Variants in SNAPC4 observed in about 807,000 individuals in gnomAD.
SNAPC4 encodes the protein small nuclear RNA activating complex polypeptide 4.
SNAPC4 carries 127 observed loss-of-function variants against 151.3 expected under a neutral mutation model. The ratio of observed to expected loss-of-function variants is 0.84; its 90% CI spans 0.73 to 0.97. The LOEUF is 0.97. SNAPC4 is among the 50% of genes least tolerant of loss of function. The pLI, the probability that SNAPC4 is intolerant of heterozygous loss-of-function variation, is 0.00. For missense variants in SNAPC4, 2,186 were observed against 1,935.0 expected (o/e 1.13, Z -2.43); for synonymous variants, 1,002 against 824.4 (o/e 1.22, Z -3.69).
Position 136,377,921 on chromosome 9 carries a change from G to A in SNAPC4, c.3906C>T (p.Pro1302=), listed in dbSNP as rs373667527. ...GGCTGCACAGGGCTGGGGGCTGATAGGGCAGTCTGCTGCCCAGAAGAGGCA... is the reference window on the plus strand; with the variant it reads ...GGCTGCACAGGGCTGGGGGCTGATAAGGCAGTCTGCTGCCCAGAAGAGGCA... ...VRVPLLGSRL[P]YQPPALCSLR... The change falls in exon 22 of 24, where the codon CCC becomes CCT. Residue 1302 remains proline (P), a synonymous_variant. Coordinates refer to ENST00000684778, the MANE Select transcript of SNAPC4 (RefSeq NM_003086.4). The A allele has an allele frequency of 4.2e-5, 67 of 1,609,880 alleles. 1 individual carries two copies. The Middle Eastern group carries it at 6.7e-4, about 16-fold the overall frequency.
intron 10 of SNAPC4, among the ~76,000 whole-genome samples, chr9:136,390,240 G>A (rs1233046272): frequency 6.6e-6 from 1 of 152,118 alleles, no homozygotes; most frequent in Non-Finnish European, 1.5e-5. Flanking sequence ...ACTTGGAAAT[G>A]ACGATTTGTT....
intron 20 of SNAPC4, 77 bp from the exon 21 acceptor site, chr9:136,379,941 T>C: frequency 6.7e-7 from 1 of 1,491,044 alleles, no homozygotes; most frequent in Non-Finnish European, 9.2e-7. Context: ...GCATCTGGAC[T>C]ATCCCCTGCC....
chr9:136,378,089 C>T lies in SNAPC4; in HGVS notation c.3738G>A (p.Gly1246=). The change falls in exon 22 of 24, where the codon GGG becomes GGA. Residue 1246 remains glycine (G), a synonymous_variant. Coordinates refer to ENST00000684778, the MANE Select transcript of SNAPC4 (RefSeq NM_003086.4). The part of the protein sequence containing the change: ...GLEKLPLRQP[G]PEKGALDLEK... Reference sequence around the variant, plus strand: ...CCAGGTCCAGGGCCCCCTTCTCAGGCCCAGGCTGGCGCAGGGGCAGCTTCT... The same window carrying T: ...CCAGGTCCAGGGCCCCCTTCTCAGGTCCAGGCTGGCGCAGGGGCAGCTTCT... 3.2e-6 allele frequency: 5 copies of T among 1,585,732 alleles called. No individual in the cohort carries two copies. Among genetic ancestry groups the T allele is most frequent in the Non-Finnish European group, 4.3e-6 (5 of 1,167,180 alleles).
chr9:136,386,281 A>G (rs1421121637), intron 13 of SNAPC4, among the ~76,000 whole-genome samples: 1 of 151,774 alleles, frequency 6.6e-6, no homozygotes, highest in Admixed American at 6.6e-5. Context: ...AGAGACGGCC[A>G]CTCAAGTTCT....
chr9:136,375,956 G>A (rs926624540), intron 23 of SNAPC4, among the ~76,000 whole-genome samples, 156 bp from the exon 24 acceptor site: 6 of 152,242 alleles, frequency 3.9e-5, no homozygotes, highest in African/African-American at 1.4e-4. Flanking sequence ...GCCAGGCCAG[G>A]GCACCAGGGC....
At position 136,379,882 on chromosome 9, in the gene SNAPC4, G is replaced by A. The variant is rs1833625549; in HGVS notation, c.2500-18C>T. The A allele has an allele frequency of 2.5e-6, 4 of 1,611,362 alleles. No homozygotes were observed. The highest frequency in any genetic ancestry group is 3.4e-6 in the Non-Finnish European group (4 of 1,178,786). ...GAGGATGCCTGGAAATGAAAGAGAG[G>A]AGAGTCAGCAGCTCAGGTGTCCTCT... On this transcript the variant is annotated intron_variant, in intron 20 of 23. Transcript: ENST00000684778.
At chr9:136,398,592 C>T (rs1834353410) in intron 1 of SNAPC4, 155 bp from the exon 2 acceptor site, 11 of 809,262 alleles carry the variant, frequency 1.4e-5, no homozygotes, top group Admixed American at 5.0e-5. Context: ...GGCACAGAAT[C>T]GGGGAACCCT....
At chr9:136,377,189 G>A (rs992503686) in intron 22 of SNAPC4, among the ~76,000 whole-genome samples, 1 of 152,200 alleles carries the variant, frequency 6.6e-6, no homozygotes, top group African/African-American at 2.4e-5. Context: ...GGCCCACCCT[G>A]GGAGCACACG....
chr9:136,376,908 G>A (rs1007425949), intron 22 of SNAPC4, among the ~76,000 whole-genome samples: 1 of 152,306 alleles, frequency 6.6e-6, no homozygotes, highest in Admixed American at 6.5e-5. Flanking sequence ...CCCTATGACA[G>A]GCCCACAGGT....
intron 11 of SNAPC4, among the ~76,000 whole-genome samples, 168 bp downstream of exon 11, chr9:136,388,267 CAAAAAAAAA>C (rs35543525): frequency 9.2e-6 from 1 of 108,878 alleles, no homozygotes; most frequent in African/African-American, 3.7e-5. Flanking sequence ...AACTCCATCT[CAAAAAAAAA>C]AAAAAAAAAG....
At position 136,376,458 on chromosome 9, in the gene SNAPC4, G is replaced by GC. The variant is rs1564373816; in HGVS notation, c.4307dup (p.Cys1436TrpfsTer11). On this transcript the variant is annotated frameshift_variant, in exon 23 of 24. Transcript: ENST00000684778. LOFTEE classifies it high-confidence loss of function. The stretch of plus-strand genomic sequence containing the variant: ...AAGTATCCAGGCAGGAGGAAGCAGA[G>GC]CATTTACCAGAGTCTGGGGCTCCCT... The GC allele has an allele frequency of 6.2e-7, 1 of 1,613,374 alleles. No individual in the cohort carries two copies. Among genetic ancestry groups the GC allele is most frequent in the East Asian group, 2.2e-5 (1 of 44,872 alleles).
intron 13 of SNAPC4, among the ~76,000 whole-genome samples, chr9:136,385,504 C>G (rs1833858688): frequency 6.6e-6 from 1 of 152,098 alleles, no homozygotes; most frequent in African/African-American, 2.4e-5. Flanking sequence ...AGGGTTCATC[C>G]ATGTTGTATC....
At chr9:136,395,255 G>A (rs778928494) in intron 5 of SNAPC4, 43 bp downstream of exon 5, 6 of 1,589,376 alleles carry the variant, frequency 3.8e-6, no homozygotes, top group East Asian at 4.5e-5. Flanking sequence ...CCCTTCCCAC[G>A]GTGCAGAGCC....
rs570390201 is a variant in SNAPC4 at position 136,386,859 on chromosome 9, TCTC to T, written c.1325+623_1325+625del. 3.9e-3 allele frequency among the ~76,000 whole-genome samples: 594 copies of T among 152,198 alleles called. 2 individuals are homozygous for T. Among genetic ancestry groups the T allele is most frequent in the Non-Finnish European group, 6.7e-3 (458 of 67,998 alleles). Reference sequence around the variant, plus strand: ...CATCCACCTCCCAGGCTCAAGCGATTCTCCTGCCTCAGCCTCCCAAGTAGCTGG... The same window carrying T: ...CATCCACCTCCCAGGCTCAAGCGATTCTGCCTCAGCCTCCCAAGTAGCTGG... On this transcript the variant is annotated intron_variant, in intron 13 of 23. Transcript: ENST00000684778.
At chr9:136,376,203 G>A in intron 23 of SNAPC4, 146 bp downstream of exon 23, 1 of 879,630 alleles carries the variant, frequency 1.1e-6, no homozygotes, top group Non-Finnish European at 1.7e-6. Flanking sequence ...CCCCTGGAGG[G>A]CCTCCATGAC....
At chr9:136,395,883 A>G (rs1834252836) in intron 3 of SNAPC4, 113 bp from the exon 4 acceptor site, 7 of 1,043,044 alleles carry the variant, frequency 6.7e-6, no homozygotes, top group Non-Finnish European at 9.8e-6. Flanking sequence ...GCTCTGGCAT[A>G]GCAACACCCA....
In SNAPC4 at chr9:136,395,306, T is replaced by G. The variant is rs1330564295; in HGVS notation, c.463A>C (p.Thr155Pro). The part of the protein sequence containing the change: ...FMKPYFKDKV[T>P]GVGPPANEDT... ...GGGCCTCGGCCACTCACCACGCCCG[T>G]GACCTTGTCCTTGAAATACGGCTTC... The change falls in exon 5 of 24, where the codon ACG (threonine) becomes CCG (proline). Residue 155 changes from threonine to proline, a missense_variant. Thr to Pro is a conservative substitution (Grantham distance 38, BLOSUM62 -1). Coordinates refer to ENST00000684778, the MANE Select transcript of SNAPC4 (RefSeq NM_003086.4). 1 of 1,613,396 alleles carries G rather than the reference T, an allele frequency of 6.2e-7. No individual in the cohort carries two copies. Among genetic ancestry groups the G allele is most frequent in the Admixed American group, 1.7e-5 (1 of 59,998 alleles).
In SNAPC4 at chr9:136,383,769, G is replaced by C; in HGVS notation, c.1501-101C>G. 3 of 1,468,108 alleles carry C rather than the reference G, an allele frequency of 2.0e-6. No individual in the cohort carries two copies. The highest frequency in any genetic ancestry group is 2.8e-6 in the Non-Finnish European group (3 of 1,079,528). 90.9% of individuals were successfully genotyped at this position (1,468,108 alleles called of 1,614,324 possible). ...TTTGGGGAGAGGCCCAAGCGGGGGCGCCTCCGGGGTCAAGAGCAGCCGCTG... is the reference window on the plus strand; with the variant it reads ...TTTGGGGAGAGGCCCAAGCGGGGGCCCCTCCGGGGTCAAGAGCAGCCGCTG... On this transcript the variant is annotated intron_variant, in intron 15 of 23. Coordinates refer to ENST00000684778, the MANE Select transcript of SNAPC4 (RefSeq NM_003086.4). This position sits in a 1 kb window ranked among gnomAD's most constrained non-coding sequence, Gnocchi z 4.2.
chr9:136,381,107 C>A (rs1034032228), intron 19 of SNAPC4, among the ~76,000 whole-genome samples: 1 of 152,198 alleles, frequency 6.6e-6, no homozygotes, highest in East Asian at 1.9e-4. Context: ...CCCCCTTCCC[C>A]GGACACTGTT....
Sources: gnomAD v4.1 joint callset for allele counts (sites outside exome capture counted in the v4.1 genomes callset) on GRCh38, gnomAD v4.1.1 for gene constraint, Gnocchi (gnomAD v3.1) non-coding constraint, MANE v1.5 for transcripts, NCBI Gene and HGNC (gene_info 2026-07-23, HGNC 2026-07-21) for gene names.